Variants in DNAH8 observed in about 807,000 individuals in gnomAD.
The protein encoded by DNAH8 is axonemal beta dynein heavy chain 8.
Under a neutral mutation model 562.1 loss-of-function variants are expected in DNAH8, and 382 were observed. The observed-to-expected ratio is 0.68, with a 90% CI of 0.63 to 0.74. The LOEUF (loss-of-function observed/expected upper bound fraction) is 0.74, where lower values mean the gene tolerates loss of function less well. Ranked by LOEUF, DNAH8 falls within the 30% of genes least tolerant of loss-of-function variation. The probability of loss-of-function intolerance (pLI) is 0.00; values close to 1 mark genes in which losing one functional copy is unlikely to be tolerated. For missense variants in DNAH8, 5,203 were observed against 5,620.4 expected (o/e 0.93, Z 2.37); for synonymous variants, 1,881 against 1,919.4 (o/e 0.98, Z 0.52).
chr6:38,905,553 A>G lies in DNAH8; in HGVS notation c.9195-701A>G, dbSNP rs184401472. 5.3e-3 allele frequency among the ~76,000 whole-genome samples: 803 copies of G among 152,312 alleles called. 1 individual carries two copies. The highest frequency in any genetic ancestry group is 8.0e-3 in the Admixed American group (123 of 15,300). Reference sequence around the variant, plus strand: ...CATAACGTATTTTGAATTTTTCACCAAATCAAACTCATCCAAATTTCAGAT... The same window carrying G: ...CATAACGTATTTTGAATTTTTCACCGAATCAAACTCATCCAAATTTCAGAT... On this transcript the variant is annotated intron_variant, in intron 62 of 92. Transcript: ENST00000327475.
rs760781678 is a variant in DNAH8 at position 38,935,665 on chromosome 6, A to T, written c.11531A>T (p.Asp3844Val). 3.1e-6 allele frequency: 5 copies of T among 1,612,936 alleles called. No individual in the cohort carries two copies. The East Asian group carries it at 1.1e-4, about 36-fold the overall frequency. The change falls in exon 77 of 93, where the codon GAT becomes GTT. Residue 3844 changes from aspartate to valine, a missense_variant. Coordinates refer to ENST00000327475, the MANE Select transcript of DNAH8 (RefSeq NM_001206927.2). ...FNKRKMKELEDNLLYKLSATK... is the reference protein window; with the variant it reads ...FNKRKMKELEVNLLYKLSATK... Reference sequence around the variant, plus strand: ...AAGCGGAAGATGAAAGAACTTGAAGATAACCTCCTCTATAAATTAAGTGCT... The same window carrying T: ...AAGCGGAAGATGAAAGAACTTGAAGTTAACCTCCTCTATAAATTAAGTGCT...
chr6:38,860,420 T>C (rs751243273), intron 42 of DNAH8, 37 bp from the exon 43 acceptor site: 33 of 1,229,202 alleles, frequency 2.7e-5, no homozygotes, highest in Non-Finnish European at 3.3e-5. Flanking sequence ...GCTATTGCAA[T>C]TCAGTATATA....
intron 8 of DNAH8, among the ~76,000 whole-genome samples, chr6:38,742,225 C>T (rs1037244085): frequency 6.6e-6 from 1 of 152,156 alleles, no homozygotes; most frequent in African/African-American, 2.4e-5. Context: ...AAGTAAAGTA[C>T]ATCTCATCCC....
chr6:38,927,682 C>G (rs908296948), intron 74 of DNAH8, among the ~76,000 whole-genome samples: 1 of 152,110 alleles, frequency 6.6e-6, no homozygotes, highest in South Asian at 2.1e-4. Context: ...ATTCTTGGAA[C>G]CTTGCCTGGA....
At chr6:38,944,875 C>T (rs574124038) in intron 79 of DNAH8, among the ~76,000 whole-genome samples, 1 of 152,122 alleles carries the variant, frequency 6.6e-6, no homozygotes, top group Non-Finnish European at 1.5e-5. Context: ...TCTATTATAT[C>T]ATTTCCTCCT....
At chr6:38,766,443 C>T (rs987073613) in intron 11 of DNAH8, among the ~76,000 whole-genome samples, 2 of 152,086 alleles carry the variant, frequency 1.3e-5, no homozygotes, top group African/African-American at 4.8e-5. Context: ...TGAATAAATT[C>T]TGGAGATGTA....
chr6:38,799,086 G>A (rs529205963), intron 21 of DNAH8, among the ~76,000 whole-genome samples: 8 of 152,274 alleles, frequency 5.3e-5, no homozygotes, highest in Admixed American at 1.3e-4. Flanking sequence ...AACGTAGGGC[G>A]TGGCAGAGAA....
intron 30 of DNAH8, among the ~76,000 whole-genome samples, chr6:38,828,865 G>A (rs141670578): frequency 1.4e-3 from 214 of 152,196 alleles, no homozygotes; most frequent in African/African-American, 3.6e-3. Context: ...AGGAAACCCC[G>A]TGCCCATTAG....
intron 87 of DNAH8, among the ~76,000 whole-genome samples, chr6:38,985,837 G>A (rs1229452434): frequency 2.6e-5 from 4 of 152,232 alleles, no homozygotes; most frequent in Non-Finnish European, 5.9e-5. Flanking sequence ...GGCTGAAGCA[G>A]CTGCCTCCTG....
chr6:38,945,322 C>A, intron 79 of DNAH8, 145 bp from the exon 80 acceptor site: 3 of 824,202 alleles, frequency 3.6e-6, no homozygotes, highest in South Asian at 2.1e-5. Flanking sequence ...ACCAAAAAAC[C>A]CTCACATTTT....
rs1781436422 is a variant in DNAH8, at chr6:38,917,969, T to C, written c.10353T>C (p.Pro3451=). The change falls in exon 70 of 93, where the codon CCT becomes CCC. Residue 3451 remains proline, a synonymous_variant. Coordinates refer to ENST00000327475, the MANE Select transcript of DNAH8 (RefSeq NM_001206927.2). ...TCCTGTGGAGCCTTCAGCAGTTCCC[T>C]AAGGACACTATAAATGAAGAGACTG... ...TGFLWSLQQF[P]KDTINEETVE... The C allele has an allele frequency of 6.2e-7, 1 of 1,613,672 alleles. No individual in the cohort carries two copies. Among genetic ancestry groups the C allele is most frequent in the African/African-American group, 1.3e-5 (1 of 74,926 alleles).
chr6:38,797,915 A>T (rs1770430946), intron 21 of DNAH8, among the ~76,000 whole-genome samples: 1 of 152,080 alleles, frequency 6.6e-6, no homozygotes, highest in African/African-American at 2.4e-5. Flanking sequence ...CGCAGCTGCC[A>T]CGCCAATTCT....
chr6:38,766,311 TG>T (rs1476372590), intron 11 of DNAH8, among the ~76,000 whole-genome samples: 1 of 152,044 alleles, frequency 6.6e-6, no homozygotes, highest in Non-Finnish European at 1.5e-5. Context: ...CACCTCTATG[TG>T]GAATCTAAAA....
At chr6:38,865,175 G>A (rs1286360847) in intron 45 of DNAH8, among the ~76,000 whole-genome samples, 1 of 152,122 alleles carries the variant, frequency 6.6e-6, no homozygotes, top group Non-Finnish European at 1.5e-5. Flanking sequence ...GAAGTTGCAA[G>A]ATAACACAAA....
At chr6:38,956,430 T>C (rs1762248323) in intron 82 of DNAH8, among the ~76,000 whole-genome samples, 2 of 152,174 alleles carry the variant, frequency 1.3e-5, no homozygotes, top group Non-Finnish European at 2.9e-5. Context: ...AGGAAACTAA[T>C]TTGTGCAGAG....
At chr6:38,846,106 A>G (rs1002379737) in intron 36 of DNAH8, among the ~76,000 whole-genome samples, 12 of 152,032 alleles carry the variant, frequency 7.9e-5, no homozygotes, top group Non-Finnish European at 1.5e-4. Flanking sequence ...CTCTGACATC[A>G]TTGACCTCTT....
intron 3 of DNAH8, 27 bp from the exon 4 acceptor site, chr6:38,729,875 A>G (rs757760799): frequency 2.4e-6 from 3 of 1,242,218 alleles, no homozygotes; most frequent in Admixed American, 2.0e-5. Context: ...TAGTCGTTTG[A>G]TTATCATTTT....
At chr6:38,782,856 G>C in intron 16 of DNAH8, 148 bp from the exon 17 acceptor site, 1 of 664,690 alleles carries the variant, frequency 1.5e-6, no homozygotes, top group Non-Finnish European at 2.5e-6. Flanking sequence ...TGCTGATATG[G>C]CCTTCCCCAT....
chr6:38,800,750 C>T (rs1045908920), intron 21 of DNAH8, among the ~76,000 whole-genome samples: 6 of 152,128 alleles, frequency 3.9e-5, no homozygotes, highest in Non-Finnish European at 1.5e-5. Flanking sequence ...CCCCTGACCT[C>T]GAATGATCTG....
Sources: gnomAD v4.1 joint callset for allele counts (sites outside exome capture counted in the v4.1 genomes callset) on GRCh38, gnomAD v4.1.1 for gene constraint, MANE v1.5 for transcripts, NCBI Gene and HGNC (gene_info 2026-07-23, HGNC 2026-07-21) for gene names.